The following PCGF5 variants were observed in gnomAD, a reference collection of about 807,000 sequenced individuals.
The protein encoded by PCGF5 is polycomb group ring finger 5.
In PCGF5, 9 loss-of-function variants were observed where a neutral mutation model predicts 44.3. That is an observed-to-expected ratio of 0.20 (90% confidence interval 0.12 to 0.35). The LOEUF (loss-of-function observed/expected upper bound fraction) is 0.35, where lower values mean the gene tolerates loss of function less well. PCGF5 is among the 10% of genes least tolerant of loss of function. The probability of loss-of-function intolerance (pLI) is 1.00; values close to 1 mark genes in which losing one functional copy is unlikely to be tolerated. For missense variants in PCGF5, 146 were observed against 305.3 expected, an observed-to-expected ratio of 0.48 and a Z score of 3.89; for synonymous variants, 95 against 102.5, an observed-to-expected ratio of 0.93 and a Z score of 0.44.
chr10:91,171,529 G>T (rs1843605011), intron 1 of PCGF5, among the ~76,000 whole-genome samples: 2 of 152,080 alleles, frequency 1.3e-5, no homozygotes, highest in African/African-American at 2.4e-5. Flanking sequence ...CAGAAAATTG[G>T]AAGTAGAGAT....
upstream of PCGF5, chr10:91,220,526 T>C (rs1205204820): frequency 6.6e-6 from 1 of 151,870 alleles, no homozygotes; most frequent in Non-Finnish European, 1.5e-5. Context: ...AGGCGCGGCC[T>C]CCGGGCGTGG....
chr10:91,250,383 ATC>A (rs904248552), intron 5 of PCGF5, among the ~76,000 whole-genome samples: 2 of 151,782 alleles, frequency 1.3e-5, no homozygotes, highest in Admixed American at 1.3e-4. Context: ...GCTTAGAGGT[ATC>A]TCATCTGGAA....
chr10:91,232,097 G>A (rs12244653), intron 2 of PCGF5, among the ~76,000 whole-genome samples: 1 of 152,136 alleles, frequency 6.6e-6, no homozygotes, highest in Non-Finnish European at 1.5e-5. Context: ...GAGATAGGAG[G>A]ACAATGGGAA....
upstream of PCGF5, among the ~76,000 whole-genome samples, chr10:91,216,961 T>G (rs186857200): frequency 4.7e-4 from 71 of 152,334 alleles, no homozygotes; most frequent in African/African-American, 1.7e-3. Flanking sequence ...AGAGAGTAGT[T>G]TATATGTTAA....
chr10:91,161,886 C>T (rs954437983), upstream of PCGF5, among the ~76,000 whole-genome samples: 23 of 152,066 alleles, frequency 1.5e-4, no homozygotes, highest in Admixed American at 8.5e-4. Context: ...AAAGCAGACT[C>T]CTCTTTAAGG....
At position 91,248,715 on chromosome 10, in the gene PCGF5, A is replaced by G. The variant is rs1195986707; in HGVS notation, c.316A>G (p.Asn106Asp). 6.2e-7 allele frequency: 1 copy of G among 1,608,176 alleles called. No homozygotes were observed. Among genetic ancestry groups the G allele is most frequent in the Non-Finnish European group, 8.5e-7 (1 of 1,177,538 alleles). ...EFWKKNKPQE[N>D]GQDDTSKADK... ...TTGGAAGAAAAATAAGCCTCAAGAA[A>G]ATGGACAAGGTGACTTTTTCTTATG... Residue 106 changes from asparagine (N) to aspartate (D), a missense_variant, in exon 5 of 10, where the codon AAT becomes GAT. Asn to Asp is a conservative substitution (Grantham distance 23). Transcript: ENST00000336126.
intron 1 of PCGF5, among the ~76,000 whole-genome samples, chr10:91,188,267 G>A (rs1038619590): frequency 6.6e-6 from 1 of 152,160 alleles, no homozygotes; most frequent in Non-Finnish European, 1.5e-5. Flanking sequence ...TGCCTCACTC[G>A]GGAAGCGCAA....
At chr10:91,227,407 T>C (rs1360458110) in intron 2 of PCGF5, 1 of 1,289,382 alleles carries the variant, frequency 7.8e-7, no homozygotes, top group Admixed American at 2.3e-5. Context: ...CTACGAATGA[T>C]CAAATGGGAT....
At chr10:91,164,025 A>G (rs1843447405) in intron 1 of PCGF5, among the ~76,000 whole-genome samples, 1 of 152,244 alleles carries the variant, frequency 6.6e-6, no homozygotes, top group Non-Finnish European at 1.5e-5. Flanking sequence ...CGGCCGTCAT[A>G]GTACACCCGG....
chr10:91,195,898 A>G (rs560977357), intron 1 of PCGF5, among the ~76,000 whole-genome samples: 1 of 151,612 alleles, frequency 6.6e-6, no homozygotes, highest in African/African-American at 2.4e-5. Context: ...AAGGAAACCC[A>G]ATCCAAGGTT....
At chr10:91,210,571 G>A (rs925669274) in intron 1 of PCGF5, among the ~76,000 whole-genome samples, 22 of 152,186 alleles carry the variant, frequency 1.4e-4, no homozygotes, top group Admixed American at 6.5e-4. Context: ...CACAGGGCCA[G>A]CAGAACCTGT....
chr10:91,247,247 C>A (rs7092364), intron 3 of PCGF5, among the ~76,000 whole-genome samples: 5,905 of 151,630 alleles, frequency 0.039, 372 homozygotes, highest in African/African-American at 0.13. Flanking sequence ...TGTCAAACTG[C>A]TGCAGAGCAA....
In PCGF5 at chr10:91,222,924, G is replaced by A; in HGVS notation, c.53G>A (p.Cys18Tyr). Residue 18 changes from cysteine to tyrosine, a missense_variant, in exon 2 of 10, where the codon TGC (cysteine) becomes TAC (tyrosine). By Grantham distance (194) the Cys-to-Tyr change is radical (BLOSUM62 -2). Transcript: ENST00000336126. Reference sequence around the variant, plus strand: ...AAAGATTTTAATCCTTACATTACCTGCTATATCTGTAAAGGGTATCTGATC... The same window carrying A: ...AAAGATTTTAATCCTTACATTACCTACTATATCTGTAAAGGGTATCTGATC... ...LVKDFNPYIT[C>Y]YICKGYLIKP... is the part of the protein sequence containing the mutation. 1 of 1,613,592 alleles carries A rather than the reference G, an allele frequency of 6.2e-7. No homozygotes were observed. Among genetic ancestry groups the A allele is most frequent in the Non-Finnish European group, 8.5e-7 (1 of 1,179,528 alleles).
In PCGF5 at chr10:91,181,028, G is replaced by C. The variant is rs145994948; in HGVS notation, c.-184+17947G>C. On this transcript the variant is annotated intron_variant, in intron 1 of 9. Transcript: ENST00000614189. Reference sequence around the variant, plus strand: ...GTGTCATCTCTGATTTTTTTAAGCAGTGGTTTGTTGTTCTCCTTGTAGAGA... The same window carrying C: ...GTGTCATCTCTGATTTTTTTAAGCACTGGTTTGTTGTTCTCCTTGTAGAGA... 5.4e-3 allele frequency among the ~76,000 whole-genome samples: 815 copies of C among 152,228 alleles called. 11 individuals carry two copies. Among genetic ancestry groups the C allele is most frequent in the African/African-American group, 0.018 (757 of 41,536 alleles).
intron 6 of PCGF5, among the ~76,000 whole-genome samples, chr10:91,253,410 G>T (rs1174206984): frequency 1.3e-5 from 2 of 151,814 alleles, no homozygotes; most frequent in African/African-American, 2.4e-5. Context: ...CTCATTTCCA[G>T]CCCTGCTTTG....
intron 8 of PCGF5, among the ~76,000 whole-genome samples, chr10:91,270,255 A>C (rs1315617823): frequency 6.6e-6 from 1 of 151,954 alleles, no homozygotes; most frequent in Admixed American, 6.6e-5. Context: ...TCTTCCAGCA[A>C]CCTCTGCCAG....
intron 1 of PCGF5, among the ~76,000 whole-genome samples, chr10:91,200,002 C>G (rs1210399474): frequency 6.6e-6 from 1 of 152,144 alleles, no homozygotes; most frequent in Non-Finnish European, 1.5e-5. Flanking sequence ...TTAAGGAACT[C>G]TAGGAACTAG....
intron 7 of PCGF5, 88 bp downstream of exon 7, chr10:91,261,512 C>T: frequency 2.4e-6 from 3 of 1,271,208 alleles, no homozygotes; most frequent in Non-Finnish European, 3.0e-6. Context: ...AGAATATATT[C>T]AAATTAATTT....
At chr10:91,166,466 A>C (rs1320534406) in intron 1 of PCGF5, among the ~76,000 whole-genome samples, 1 of 152,214 alleles carries the variant, frequency 6.6e-6, no homozygotes, top group East Asian at 1.9e-4. Context: ...ACAGAATTAG[A>C]TATTGGCAGT....
Sources: allele counts gnomAD v4.1 joint callset (sites outside exome capture counted in the v4.1 genomes callset), GRCh38; gene constraint gnomAD v4.1.1; transcripts MANE v1.5; gene names NCBI Gene and HGNC (gene_info 2026-07-23, HGNC 2026-07-21).